ERBIN: variants seen among roughly 807,000 people sequenced by gnomAD.
The protein encoded by ERBIN is erbb2 interacting protein.
In ERBIN, 60 loss-of-function variants were observed where a neutral mutation model predicts 158.4. The observed-to-expected ratio is 0.38, with a 90% CI of 0.31 to 0.47. The LOEUF is 0.47. Among genes scored for constraint, ERBIN ranks in the 20% least tolerant of loss-of-function variants. ERBIN has a pLI of 0.99. For missense variants in ERBIN, 1,610 were observed against 1,648.0 expected (o/e 0.98, Z 0.40); for synonymous variants, 594 against 557.2 (o/e 1.07, Z -0.93).
In ERBIN at chr5:66,053,864, T is replaced by C. The variant is rs755531636; in HGVS notation, c.2546T>C (p.Ile849Thr). Residue 849 changes from isoleucine (I) to threonine (T), a missense_variant, in exon 21 of 26, where the codon ATT becomes ACT. By Grantham distance (89) the Ile-to-Thr change is moderately conservative. Coordinates refer to ENST00000284037, the MANE Select transcript of ERBIN (RefSeq NM_001253697.2). ...AGTGATTGTTCTGTTGACTTAGGTA[T>C]TTCCAAAAGCACTGAAGATCTCTCC... ...HDSDCSVDLG[I>T]SKSTEDLSPQ... The C allele has an allele frequency of 6.2e-6, 10 of 1,614,014 alleles. No individual in the cohort carries two copies. The highest frequency in any genetic ancestry group is 7.6e-6 in the Non-Finnish European group (9 of 1,180,024).
intron 8 of ERBIN, chr5:66,023,015 C>T (rs1200595517): frequency 3.4e-5 from 9 of 266,042 alleles, no homozygotes; most frequent in Non-Finnish European, 6.2e-5. Flanking sequence ...TTGTGTAATC[C>T]AAAGCTTAAA....
intron 1 of ERBIN, among the ~76,000 whole-genome samples, chr5:65,968,425 A>G (rs1345960870): frequency 6.6e-6 from 1 of 152,224 alleles, no homozygotes; most frequent in African/African-American, 2.4e-5. Context: ...GCAAGGTGCA[A>G]TTACCAGACT....
intron 14 of ERBIN, among the ~76,000 whole-genome samples, chr5:66,036,126 C>G (rs920722900): frequency 1.3e-5 from 2 of 152,088 alleles, no homozygotes; most frequent in Admixed American, 1.3e-4. Flanking sequence ...TATAAATAAT[C>G]TGTGGTACTC....
intron 1 of ERBIN, among the ~76,000 whole-genome samples, chr5:65,930,974 A>G (rs930076228): frequency 1.3e-5 from 2 of 152,216 alleles, no homozygotes; most frequent in African/African-American, 2.4e-5. Flanking sequence ...AGGTCTTGCC[A>G]GGCTTTAAGT....
chr5:66,027,334 G>T (rs548169939), intron 13 of ERBIN, among the ~76,000 whole-genome samples: 1 of 151,964 alleles, frequency 6.6e-6, no homozygotes, highest in Non-Finnish European at 1.5e-5. Context: ...TAATTCCTAC[G>T]GCCCACAGTG....
chr5:66,054,112 T>C lies in ERBIN; in HGVS notation c.2794T>C (p.Ser932Pro). ...QPLQVFTGSS[S>P]SSDLISGTKA... ...ATTGCAGGTATTTACTGGTTCTTCC[T>C]CATCTTCTGATTTAATATCAGGAAC... Residue 932 changes from serine (S) to proline (P), a missense_variant, in exon 21 of 26, where the codon TCA becomes CCA. Ser to Pro is a moderately conservative substitution (Grantham distance 74). This residue lies in a region of ERBIN where 1,014 missense variants were observed against 936.1 expected (regional missense o/e 1.08). Coordinates refer to ENST00000284037, the MANE Select transcript of ERBIN (RefSeq NM_001253697.2). 2 of 1,614,218 alleles carry C rather than the reference T, an allele frequency of 1.2e-6. No homozygotes were observed. Among genetic ancestry groups the C allele is most frequent in the Non-Finnish European group, 8.5e-7 (1 of 1,180,036 alleles).
intron 1 of ERBIN, among the ~76,000 whole-genome samples, chr5:65,981,198 G>A (rs1490715674): frequency 2.0e-5 from 3 of 152,030 alleles, no homozygotes; most frequent in Admixed American, 6.5e-5. Flanking sequence ...ATCAGTAAAC[G>A]AATAAATCAA....
chr5:66,026,222 CT>C, intron 12 of ERBIN, 79 bp from the exon 13 acceptor site: 1 of 890,928 alleles, frequency 1.1e-6, no homozygotes, highest in Non-Finnish European at 1.7e-6. Flanking sequence ...TTTTTCATAA[CT>C]TTCAAAAATG....
At chr5:66,061,472 A>G (rs1760326895) in intron 21 of ERBIN, among the ~76,000 whole-genome samples, 1 of 152,188 alleles carries the variant, frequency 6.6e-6, no homozygotes, top group African/African-American at 2.4e-5. Flanking sequence ...AATACAGCAC[A>G]CTGATGGGTC....
At chr5:65,995,778 A>G (rs1752370774) in intron 4 of ERBIN, among the ~76,000 whole-genome samples, 1 of 152,076 alleles carries the variant, frequency 6.6e-6, no homozygotes. Context: ...CCTCATCAGC[A>G]CTTATCTTTA....
At position 66,018,506 on chromosome 5, in the gene ERBIN, T is replaced by TTATATAATATAA. The variant is rs1561380720; in HGVS notation, c.534-2810_534-2809insATATAATATATA. On this transcript the variant is annotated intron_variant, in intron 7 of 25. Transcript: ENST00000284037. ...TATATATTATATTATATAATATATA[T>TTATATAATATAA]TATATATTATATAATATATATTATA... 3.6e-4 allele frequency among the ~76,000 whole-genome samples: 2 copies of TTATATAATATAA among 5,594 alleles called. 1 individual carries two copies. The highest frequency in any genetic ancestry group is 1.2e-3 in the African/African-American group (2 of 1,726). The allele number at this position is 5,594 out of a possible 152,430, so 3.7% of individuals were successfully genotyped here.
intron 1 of ERBIN, among the ~76,000 whole-genome samples, chr5:65,929,767 A>G (rs1045255154): frequency 3.3e-5 from 5 of 151,430 alleles, no homozygotes; most frequent in African/African-American, 7.3e-5. Context: ...CAGCCTCCCA[A>G]GTAGCTGGGA....
chr5:65,936,345 C>T (rs1744080153), intron 1 of ERBIN, among the ~76,000 whole-genome samples: 1 of 152,176 alleles, frequency 6.6e-6, no homozygotes, highest in South Asian at 2.1e-4. Flanking sequence ...ATAAATCTCT[C>T]AGTCTTCTAG....
chr5:66,018,551 T>TA (rs1755233422), intron 7 of ERBIN, among the ~76,000 whole-genome samples: 1 of 14,350 alleles, frequency 7.0e-5, no homozygotes, highest in African/African-American at 4.5e-4. Flanking sequence ...ATATATTATA[T>TA]ATTATATAAT....
At chr5:65,964,908 T>TTGTGTGTGTGTGTGTGTGTG (rs70987104) in intron 1 of ERBIN, among the ~76,000 whole-genome samples, 7 of 107,260 alleles carry the variant, frequency 6.5e-5, no homozygotes, top group African/African-American at 2.8e-4. Flanking sequence ...CCTGGCTGAT[T>TTGTGTGTGTGTGTGTGTGTG]TGTGTGTGTG....
intron 4 of ERBIN, among the ~76,000 whole-genome samples, chr5:66,006,806 C>T (rs1753653262): frequency 6.6e-6 from 1 of 152,014 alleles, no homozygotes; most frequent in Non-Finnish European, 1.5e-5. Context: ...TCATCACTGG[C>T]CATCAGAGAA....
intron 1 of ERBIN, among the ~76,000 whole-genome samples, chr5:65,978,422 A>T (rs866881059): frequency 1.2e-4 from 19 of 152,322 alleles, no homozygotes; most frequent in Admixed American, 2.6e-4. Context: ...AAGTTACATC[A>T]GTCCTGCTAC....
chr5:66,077,792 A>T (rs536265854), intron 25 of ERBIN, among the ~76,000 whole-genome samples: 2,600 of 135,162 alleles, frequency 0.019, 79 homozygotes, highest in African/African-American at 0.067. Flanking sequence ...ACACACACAC[A>T]CATACACACA....
chr5:65,969,978 A>C (rs562128138), intron 1 of ERBIN, among the ~76,000 whole-genome samples: 1 of 152,236 alleles, frequency 6.6e-6, no homozygotes, highest in African/African-American at 2.4e-5. Context: ...TAAACTTCAG[A>C]TGTTTCTCTT....
Sources: gnomAD v4.1 joint callset for allele counts (sites outside exome capture counted in the v4.1 genomes callset) on GRCh38, gnomAD v4.1.1 for gene constraint, gnomAD v4.1.1 regional missense constraint, MANE v1.5 for transcripts, NCBI Gene and HGNC (gene_info 2026-07-23, HGNC 2026-07-21) for gene names.